The following ERG variants were observed in gnomAD, a reference collection of about 807,000 sequenced individuals.
The protein encoded by ERG is ETS transcription factor ERG.
ERG carries 9 observed loss-of-function variants against 55.3 expected under a neutral mutation model. The observed-to-expected ratio is 0.16, with a 90% confidence interval of 0.10 to 0.28. ERG has a LOEUF of 0.28. Ranked by LOEUF, ERG falls within the 10% of genes least tolerant of loss-of-function variation. The pLI, the probability that ERG is intolerant of heterozygous loss-of-function variation, is 1.00. For missense variants in ERG, 434 were observed against 631.6 expected (o/e 0.69, Z 3.35); for synonymous variants, 223 against 237.3 (o/e 0.94, Z 0.55).
At chr21:38,429,277 T>C (rs985241273) in intron 2 of ERG, among the ~76,000 whole-genome samples, 1 of 151,932 alleles carries the variant, frequency 6.6e-6, no homozygotes, top group South Asian at 2.1e-4. Context: ...CACGCATATA[T>C]ACACATATAC....
intron 1 of ERG, among the ~76,000 whole-genome samples, chr21:38,584,494 C>T: frequency 6.6e-6 from 1 of 152,180 alleles, no homozygotes; most frequent in Non-Finnish European, 1.5e-5. Context: ...AGTCTGTAGA[C>T]ACCTAGCTTC....
At chr21:38,410,205 C>A (rs1004208983) in intron 3 of ERG, among the ~76,000 whole-genome samples, 6 of 152,350 alleles carry the variant, frequency 3.9e-5, no homozygotes, top group African/African-American at 1.4e-4. Context: ...CAGGGGCAGC[C>A]TCCTCCTTAA....
chr21:38,473,884 G>T (rs1489772954), intron 1 of ERG: 1 of 151,708 alleles, frequency 6.6e-6, no homozygotes, highest in Non-Finnish European at 1.5e-5. Flanking sequence ...ATGTGTGAGC[G>T]TATGTGTGTG....
intron 6 of ERG, among the ~76,000 whole-genome samples, chr21:38,394,065 G>A (rs985363556): frequency 1.3e-5 from 2 of 152,110 alleles, no homozygotes; most frequent in South Asian, 4.1e-4. Flanking sequence ...AAAATAAACT[G>A]GACAGCCAGA....
chr21:38,563,826 T>C (rs970628497), intron 2 of ERG, among the ~76,000 whole-genome samples: 22 of 152,170 alleles, frequency 1.4e-4, no homozygotes, highest in African/African-American at 5.3e-4. Context: ...GCCTCCTTTT[T>C]CCCCAAAATG....
rs777510977 is a variant in ERG, at chr21:38,380,260, A to G, written c.*3143T>C. 4.5e-5 allele frequency: 47 copies of G among 1,055,850 alleles called. No individual in the cohort carries two copies. Among genetic ancestry groups the G allele is most frequent in the Non-Finnish European group, 5.2e-5 (45 of 873,492 alleles). 65.4% of individuals were successfully genotyped at this position (1,055,850 alleles called of 1,614,324 possible). ...AGCCATCTCTGCTGCACCTGCTGTC[A>G]GAGGGCAGCTCCTCCGGCTCCTGCT... On this transcript the variant is annotated 3_prime_UTR_variant, in exon 10 of 10. Transcript: ENST00000288319.
chr21:38,653,665 C>A (rs576371822), intron 1 of ERG, among the ~76,000 whole-genome samples: 52 of 152,296 alleles, frequency 3.4e-4, no homozygotes, highest in African/African-American at 1.2e-3. Context: ...GTCAGACAGA[C>A]AGGTGGATAG....
chr21:38,652,377 T>C (rs1196858624), intron 1 of ERG, among the ~76,000 whole-genome samples: 1 of 150,776 alleles, frequency 6.6e-6, no homozygotes, highest in African/African-American at 2.4e-5. Context: ...GATTCTATTT[T>C]ATGTTATTTA....
chr21:38,578,160 C>T (rs557930465), intron 1 of ERG, among the ~76,000 whole-genome samples: 42 of 152,180 alleles, frequency 2.8e-4, no homozygotes, highest in Non-Finnish European at 5.6e-4. Context: ...CGGCCCCTGC[C>T]GACATCAGGG....
chr21:38,381,001 A>G lies in ERG; in HGVS notation c.*2402T>C, dbSNP rs1987406754. 9.4e-7 allele frequency: 1 copy of G among 1,064,436 alleles called. No individual in the cohort carries two copies. The allele number at this position is 1,064,436 out of a possible 1,614,324, so 65.9% of individuals were successfully genotyped here. On this transcript the variant is annotated 3_prime_UTR_variant, in exon 10 of 10. Coordinates refer to ENST00000288319, the MANE Select transcript of ERG (RefSeq NM_182918.4). ...ACTGCCAGCTTTCATGATTGTATTT[A>G]TTTATTTTCCCTAAGGAGATACGGG...
At chr21:38,379,966 C>T (rs1330326286), downstream of ERG, 1 of 986,904 alleles carries the variant, frequency 1.0e-6, no homozygotes, top group Non-Finnish European at 1.2e-6. Context: ...GTTGGGATTA[C>T]AGGTGTGAGT....
intron 1 of ERG, among the ~76,000 whole-genome samples, chr21:38,579,763 AC>A (rs2060016850): frequency 6.6e-6 from 1 of 151,512 alleles, no homozygotes; most frequent in Non-Finnish European, 1.5e-5. Context: ...GGACCTAAAG[AC>A]CAGGAGAATA....
chr21:38,372,370 TTTTA>T, the ERG span, among the ~76,000 whole-genome samples: 25 of 152,052 alleles, frequency 1.6e-4, no homozygotes, highest in Non-Finnish European at 2.7e-4. Flanking sequence ...TCCTAATTGT[TTTTA>T]TTTGTTTTTT....
At chr21:38,400,304 C>A in intron 6 of ERG, 1 of 565,616 alleles carries the variant, frequency 1.8e-6, no homozygotes, top group South Asian at 1.6e-5. Flanking sequence ...TTCCTAACTG[C>A]CAGGCATCCA....
At chr21:38,390,909 A>T in intron 9 of ERG, 86 bp downstream of exon 9, 1 of 1,075,898 alleles carries the variant, frequency 9.3e-7, no homozygotes, top group Non-Finnish European at 1.4e-6. Context: ...AGTTGAAGGA[A>T]TTTCTCACCA....
upstream of ERG, among the ~76,000 whole-genome samples, chr21:38,586,834 G>T (rs1489351345): frequency 2.0e-5 from 3 of 152,166 alleles, no homozygotes; most frequent in Non-Finnish European, 2.9e-5. Flanking sequence ...AGAGGTACCA[G>T]CCCTCCCAAA....
intron 1 of ERG, among the ~76,000 whole-genome samples, chr21:38,475,226 C>A (rs559939134): frequency 6.6e-6 from 1 of 152,106 alleles, no homozygotes; most frequent in Non-Finnish European, 1.5e-5. Context: ...TAATCAGTGG[C>A]AAGGGATGGG....
In ERG at chr21:38,617,885, G is replaced by A. The variant is rs763574533; in HGVS notation, c.-149-32940C>T. On this transcript the variant is annotated intron_variant, in intron 1 of 10. Coordinates refer to the ERG transcript ENST00000398910. ...AATCTGTCTCTGGGCAGGAAGGTAGGGAAGGCCTTTGTTTTCCCCCACAGT... is the reference window on the plus strand; with the variant it reads ...AATCTGTCTCTGGGCAGGAAGGTAGAGAAGGCCTTTGTTTTCCCCCACAGT... 1.6e-4 allele frequency among the ~76,000 whole-genome samples: 24 copies of A among 152,288 alleles called. No individual in the cohort carries two copies. In the Middle Eastern group the frequency reaches 0.014, roughly 87 times the overall value.
chr21:38,378,739 C>G (rs1569048703), downstream of ERG, among the ~76,000 whole-genome samples: 1 of 152,162 alleles, frequency 6.6e-6, no homozygotes, highest in African/African-American at 2.4e-5. Flanking sequence ...CGTTTGTGAC[C>G]TGTTTCAGAA....
Sources: allele counts gnomAD v4.1 joint callset (sites outside exome capture counted in the v4.1 genomes callset), GRCh38; gene constraint gnomAD v4.1.1; transcripts MANE v1.5; gene names NCBI Gene and HGNC (gene_info 2026-07-23, HGNC 2026-07-21).